FERD3L: variants seen among roughly 807,000 people sequenced by gnomAD.
FERD3L encodes the protein fer3-like protein.
In FERD3L, 7 loss-of-function variants were observed where a neutral mutation model predicts 7.5. That is an observed-to-expected ratio of 0.94 (90% CI 0.53 to 1.76). The LOEUF is 1.76. Ranked by LOEUF, FERD3L falls within the 40% of genes most tolerant of loss-of-function variation. The pLI is 0.00. For synonymous variants in FERD3L, 122 were observed against 94.4 expected, an observed-to-expected ratio of 1.29 and a Z score of -1.70; for missense variants, 264 against 220.9, an observed-to-expected ratio of 1.20 and a Z score of -1.24.
rs578068028 is a variant in FERD3L at position 19,145,302 on chromosome 7, A to T, written c.61T>A (p.Ser21Thr). The change falls in exon 1 of 1, where the codon TCC becomes ACC. Residue 21 changes from serine (S) to threonine (T), a missense_variant. Physicochemically the swap from Ser to Thr is moderately conservative, Grantham distance 58. Coordinates refer to ENST00000275461, the MANE Select transcript of FERD3L (RefSeq NM_152898.2). ...AGAGGGCGTCTCGGGGAGGCCAGGG[A>T]CAGGTCTGCGACGAAGTCCAGCACC... ...TTVLDFVADLSLASPRRPLLC... is the reference protein window; with the variant it reads ...TTVLDFVADLTLASPRRPLLC... The T allele has an allele frequency of 4.3e-6, 7 of 1,611,952 alleles. 1 individual carries two copies. In the South Asian group the frequency reaches 7.7e-5, roughly 18 times the overall value.
At position 19,145,345 on chromosome 7, in the gene FERD3L, C is replaced by G. The variant is rs753361746; in HGVS notation, c.18G>C (p.Glu6Asp). The part of the protein sequence containing the change: MAAYP[E>D]SCVDTTVLDF... ...CCAGCACCGTAGTGTCCACGCAGCTCTCCGGATAGGCCGCCATCGCTTCGG... is the reference window on the plus strand; with the variant it reads ...CCAGCACCGTAGTGTCCACGCAGCTGTCCGGATAGGCCGCCATCGCTTCGG... Residue 6 changes from glutamate to aspartate, a missense_variant, in exon 1 of 1, where the codon GAG (glutamate) becomes GAC (aspartate). Glu to Asp is a conservative substitution (Grantham distance 45). Coordinates refer to ENST00000275461, the MANE Select transcript of FERD3L (RefSeq NM_152898.2). The G allele has an allele frequency of 3.2e-6, 5 of 1,584,670 alleles. No homozygotes were observed. The African/African-American group carries it at 4.0e-5, about 13-fold the overall frequency.
Position 19,145,053 on chromosome 7 carries a change from G to A in FERD3L, c.310C>T (p.Gln104Ter). The stretch of plus-strand genomic sequence containing the variant: ...TTCCTTTCGCGGATGTTGGCGGCCT[G>A]GCGCTGGGCGTAGGTGATCACCCTT... ...RKRVITYAQRQAANIRERKRM... is the reference protein window; with the variant it reads ...RKRVITYAQR The change falls in exon 1 of 1, where the codon CAG (glutamine) becomes TAG (stop). Residue 104 changes from glutamine to a stop codon, truncating the protein, a stop_gained. Coordinates refer to ENST00000275461, the MANE Select transcript of FERD3L (RefSeq NM_152898.2). LOFTEE classifies it high-confidence loss of function. 6.2e-7 allele frequency: 1 copy of A among 1,614,154 alleles called. No individual in the cohort carries two copies. The highest frequency in any genetic ancestry group is 8.5e-7 in the Non-Finnish European group (1 of 1,180,014).
rs1254311141 is a variant in FERD3L, at chr7:19,145,397, C to T, written c.-35G>A. ...TTGGCCCTGCCTCTCATCGGTTTTC[C>T]GCAGGGAGGGGCGAGGTTGCTGGTG... On this transcript the variant is annotated 5_prime_UTR_variant, in exon 1 of 1. Transcript: ENST00000275461. The T allele has an allele frequency of 6.5e-7, 1 of 1,544,788 alleles. No homozygotes were observed. Among genetic ancestry groups the T allele is most frequent in the Non-Finnish European group, 8.7e-7 (1 of 1,145,314 alleles).
Position 19,144,964 on chromosome 7 carries a change from G to C in FERD3L, c.399C>G (p.Tyr133Ter). The C allele has an allele frequency of 6.2e-7, 1 of 1,614,138 alleles. No homozygotes were observed. Among genetic ancestry groups the C allele is most frequent in the Non-Finnish European group, 8.5e-7 (1 of 1,180,028 alleles). ...QLRRKVPTFAYEKRLSRIETL... is the reference protein window; with the variant it reads ...QLRRKVPTFA ...TCTCGATCCGGGACAGCCTTTTCTCGTAAGCAAACGTGGGCACCTTCCTCC... is the reference window on the plus strand; with the variant it reads ...TCTCGATCCGGGACAGCCTTTTCTCCTAAGCAAACGTGGGCACCTTCCTCC... The change falls in exon 1 of 1, where the codon TAC (tyrosine) becomes TAG (stop). Residue 133 changes from tyrosine to a stop codon, truncating the protein, a stop_gained. Coordinates refer to ENST00000275461, the MANE Select transcript of FERD3L (RefSeq NM_152898.2). LOFTEE classifies it high-confidence loss of function.
In FERD3L at chr7:19,145,408, G is replaced by C. The variant is rs768911386; in HGVS notation, c.-46C>G. 2 of 1,531,436 alleles carry C rather than the reference G, an allele frequency of 1.3e-6. No individual in the cohort carries two copies. The highest frequency in any genetic ancestry group is 1.8e-6 in the Non-Finnish European group (2 of 1,140,394). 94.9% of individuals were successfully genotyped at this position (1,531,436 alleles called of 1,614,324 possible). ...TCTCATCGGTTTTCCGCAGGGAGGGGCGAGGTTGCTGGTGGGGATTCTTAA... is the reference window on the plus strand; with the variant it reads ...TCTCATCGGTTTTCCGCAGGGAGGGCCGAGGTTGCTGGTGGGGATTCTTAA... On this transcript the variant is annotated 5_prime_UTR_variant, in exon 1 of 1. Coordinates refer to ENST00000275461, the MANE Select transcript of FERD3L (RefSeq NM_152898.2).
At position 19,145,391 on chromosome 7, in the gene FERD3L, G is replaced by A; in HGVS notation, c.-29C>T. The A allele has an allele frequency of 1.3e-6, 2 of 1,550,302 alleles. No homozygotes were observed. Among genetic ancestry groups the A allele is most frequent in the Non-Finnish European group, 1.7e-6 (2 of 1,147,214 alleles). On this transcript the variant is annotated 5_prime_UTR_variant, in exon 1 of 1. Transcript: ENST00000275461. ...TTCGGCTTGGCCCTGCCTCTCATCG[G>A]TTTTCCGCAGGGAGGGGCGAGGTTG...
chr7:19,145,128 C>G lies in FERD3L; in HGVS notation c.235G>C (p.Glu79Gln), dbSNP rs1358709099. Residue 79 changes from glutamate to glutamine, a missense_variant, in exon 1 of 1, where the codon GAA (glutamate) becomes CAA (glutamine). Transcript: ENST00000275461. ...VDQGDGEEEEEEERGRGVSLL... is the reference protein window; with the variant it reads ...VDQGDGEEEEQEERGRGVSLL... ...GAGACACCTCTTCCGCGCTCCTCTT[C>G]CTCCTCCTCTTCTCCGTCCCCCTGG... 6.2e-7 allele frequency: 1 copy of G among 1,612,584 alleles called. No homozygotes were observed. The highest frequency in any genetic ancestry group is 1.7e-5 in the Admixed American group (1 of 59,982).
chr7:19,144,893 A>G lies in FERD3L; in HGVS notation c.470T>C (p.Leu157Ser). 1 of 1,613,936 alleles carries G rather than the reference A, an allele frequency of 6.2e-7. No individual in the cohort carries two copies. The highest frequency in any genetic ancestry group is 8.5e-7 in the Non-Finnish European group (1 of 1,179,948). Residue 157 changes from leucine to serine, a missense_variant, in exon 1 of 1, where the codon TTG becomes TCG. Coordinates refer to ENST00000275461, the MANE Select transcript of FERD3L (RefSeq NM_152898.2). ...GCTTTCCTTCTTCTCACAGCTCTCC[A>G]AGAGCTCGGTCATGAAGGAGATATA... ...IVYISFMTEL[L>S]ESCEKKESG
chr7:19,144,820 C>A lies in FERD3L; in HGVS notation c.*42G>T. On this transcript the variant is annotated 3_prime_UTR_variant, in exon 1 of 1. Transcript: ENST00000275461. Reference sequence around the variant, plus strand: ...CCCAGTGCCCGGTCCTGACACACCCCAGCACTACCAGACGAGGAAGGGCAG... The same window carrying A: ...CCCAGTGCCCGGTCCTGACACACCCAAGCACTACCAGACGAGGAAGGGCAG... 1.3e-6 allele frequency: 2 copies of A among 1,598,242 alleles called. No homozygotes were observed. Among genetic ancestry groups the A allele is most frequent in the South Asian group, 1.1e-5 (1 of 88,482 alleles).
rs1359790065 is a variant in FERD3L at position 19,145,365 on chromosome 7, C to A, written c.-3G>T. 3.8e-6 allele frequency: 6 copies of A among 1,575,854 alleles called. No homozygotes were observed. In the African/African-American group the frequency reaches 8.1e-5, roughly 21 times the overall value. The stretch of plus-strand genomic sequence containing the variant: ...CAGCTCTCCGGATAGGCCGCCATCG[C>A]TTCGGCTTGGCCCTGCCTCTCATCG... On this transcript the variant is annotated 5_prime_UTR_variant, in exon 1 of 1. Transcript: ENST00000275461.
rs1563167320 is a variant in FERD3L, at chr7:19,144,926, G to A, written c.437C>T (p.Ala146Val). 6.2e-7 allele frequency: 1 copy of A among 1,614,162 alleles called. No homozygotes were observed. Among genetic ancestry groups the A allele is most frequent in the East Asian group, 2.2e-5 (1 of 44,872 alleles). The part of the protein sequence containing the change: ...RLSRIETLRL[A>V]IVYISFMTEL... ...GGTCATGAAGGAGATATAGACGATG[G>A]CCAGGCGGAGGGTCTCGATCCGGGA... Residue 146 changes from alanine to valine, a missense_variant, in exon 1 of 1, where the codon GCC (alanine) becomes GTC (valine). Coordinates refer to ENST00000275461, the MANE Select transcript of FERD3L (RefSeq NM_152898.2).
Position 19,145,264 on chromosome 7 carries a change from G to A in FERD3L, c.99C>T (p.Phe33=), listed in dbSNP as rs1196065443. The change falls in exon 1 of 1, where the codon TTC becomes TTT. Residue 33 remains phenylalanine, a synonymous_variant. Transcript: ENST00000275461. ...GGTCCCCCAAGGAGACCCCGGGTGC[G>A]AAGTCGCAGAGGAGAGGGCGTCTCG... The part of the protein sequence containing the change: ...ASPRRPLLCD[F]APGVSLGDPA... The A allele has an allele frequency of 6.2e-7, 1 of 1,613,832 alleles. No homozygotes were observed. Among genetic ancestry groups the A allele is most frequent in the South Asian group, 1.1e-5 (1 of 91,082 alleles).
rs760734190 is a variant in FERD3L, at chr7:19,144,901, G to A, written c.462C>T (p.Thr154=). ...RLAIVYISFM[T]ELLESCEKKE... Reference sequence around the variant, plus strand: ...TCTTCTCACAGCTCTCCAAGAGCTCGGTCATGAAGGAGATATAGACGATGG... The same window carrying A: ...TCTTCTCACAGCTCTCCAAGAGCTCAGTCATGAAGGAGATATAGACGATGG... The change falls in exon 1 of 1, where the codon ACC becomes ACT. Residue 154 remains threonine, a synonymous_variant. Coordinates refer to ENST00000275461, the MANE Select transcript of FERD3L (RefSeq NM_152898.2). 117 of 1,613,988 alleles carry A rather than the reference G, an allele frequency of 7.2e-5. No homozygotes were observed. The East Asian group carries it at 2.5e-3, about 35-fold the overall frequency.
In FERD3L at chr7:19,145,009, G is replaced by T; in HGVS notation, c.354C>A (p.Asn118Lys). ...IRERKRMFNLNEAFDQLRRKV... is the reference protein window; with the variant it reads ...IRERKRMFNLKEAFDQLRRKV... ...TCCTCCGCAGCTGGTCAAAGGCCTCGTTGAGGTTGAACATCCGCTTCCTTT... is the reference window on the plus strand; with the variant it reads ...TCCTCCGCAGCTGGTCAAAGGCCTCTTTGAGGTTGAACATCCGCTTCCTTT... The change falls in exon 1 of 1, where the codon AAC (asparagine) becomes AAA (lysine). Residue 118 changes from asparagine to lysine, a missense_variant. Physicochemically the swap from Asn to Lys is moderately conservative, Grantham distance 94. Coordinates refer to ENST00000275461, the MANE Select transcript of FERD3L (RefSeq NM_152898.2). The T allele has an allele frequency of 6.2e-7, 1 of 1,614,202 alleles. No individual in the cohort carries two copies. Among genetic ancestry groups the T allele is most frequent in the Admixed American group, 1.7e-5 (1 of 60,032 alleles).
Position 19,145,208 on chromosome 7 carries a change from C to T in FERD3L, c.155G>A (p.Arg52Lys). ...PALALREGRPRRMARFEEGDP... is the reference protein window; with the variant it reads ...PALALREGRPKRMARFEEGDP... Reference sequence around the variant, plus strand: ...CCCCTCTTCAAACCGCGCCATCCTCCTGGGTCTTCCCTCTCGGAGCGCAAG... The same window carrying T: ...CCCCTCTTCAAACCGCGCCATCCTCTTGGGTCTTCCCTCTCGGAGCGCAAG... The change falls in exon 1 of 1, where the codon AGG becomes AAG. Residue 52 changes from arginine to lysine, a missense_variant. Arg to Lys is a conservative substitution (Grantham distance 26). Transcript: ENST00000275461. The T allele has an allele frequency of 6.2e-7, 1 of 1,614,136 alleles. No homozygotes were observed. Among genetic ancestry groups the T allele is most frequent in the East Asian group, 2.2e-5 (1 of 44,838 alleles).
rs1788965963 is a variant in FERD3L, at chr7:19,145,351, A to C, written c.12T>G (p.Tyr4Ter). ...CCGTAGTGTCCACGCAGCTCTCCGGATAGGCCGCCATCGCTTCGGCTTGGC... is the reference window on the plus strand; with the variant it reads ...CCGTAGTGTCCACGCAGCTCTCCGGCTAGGCCGCCATCGCTTCGGCTTGGC... MAA[Y>*]PESCVDTTVL... is the part of the protein sequence containing the mutation. Residue 4 changes from tyrosine (Y) to a stop codon, truncating the protein, a stop_gained, in exon 1 of 1, where the codon TAT becomes TAG. Transcript: ENST00000275461. LOFTEE classifies it high-confidence loss of function. 1 of 1,580,868 alleles carries C rather than the reference A, an allele frequency of 6.3e-7. No homozygotes were observed. The highest frequency in any genetic ancestry group is 8.6e-7 in the Non-Finnish European group (1 of 1,159,252).
Position 19,144,782 on chromosome 7 carries a change from C to A in FERD3L, c.*80G>T. The A allele has an allele frequency of 6.5e-7, 1 of 1,537,938 alleles. No individual in the cohort carries two copies. The highest frequency in any genetic ancestry group is 1.3e-5 in the South Asian group (1 of 77,326). ...TTCTGTCTTGGGGCCTCCCTCCCGG[C>A]CCTTTAGCCTCACCCAGTGCCCGGT... is the stretch of plus-strand genomic sequence containing the variant. On this transcript the variant is annotated 3_prime_UTR_variant, in exon 1 of 1. Transcript: ENST00000275461.
rs747802600 is a variant in FERD3L, at chr7:19,144,987, T to G, written c.376A>C (p.Arg126=). 3 of 1,614,052 alleles carry G rather than the reference T, an allele frequency of 1.9e-6. No homozygotes were observed. In the African/African-American group the frequency reaches 4.0e-5, roughly 22 times the overall value. ...TCGTAAGCAAACGTGGGCACCTTCC[T>G]CCGCAGCTGGTCAAAGGCCTCGTTG... ...NLNEAFDQLR[R]KVPTFAYEKR... The change falls in exon 1 of 1, where the codon AGG becomes CGG. Residue 126 remains arginine (R), a synonymous_variant. Coordinates refer to ENST00000275461, the MANE Select transcript of FERD3L (RefSeq NM_152898.2).
At position 19,145,192 on chromosome 7, in the gene FERD3L, A is replaced by G. The variant is rs1378764038; in HGVS notation, c.171T>C (p.Phe57=). 6.2e-7 allele frequency: 1 copy of G among 1,613,268 alleles called. No homozygotes were observed. Among genetic ancestry groups the G allele is most frequent in the Non-Finnish European group, 8.5e-7 (1 of 1,179,708 alleles). ...CCTCTTCTTCTGGGTCCCCCTCTTC[A>G]AACCGCGCCATCCTCCTGGGTCTTC... is the stretch of plus-strand genomic sequence containing the variant. ...REGRPRRMAR[F]EEGDPEEEEC... The change falls in exon 1 of 1, where the codon TTT becomes TTC. Residue 57 remains phenylalanine (F), a synonymous_variant. Transcript: ENST00000275461.
Sources: gnomAD v4.1 joint callset for allele counts on GRCh38, gnomAD v4.1.1 for gene constraint, MANE v1.5 for transcripts, NCBI Gene and HGNC (gene_info 2026-07-23, HGNC 2026-07-21) for gene names.